SYT14: variants seen among roughly 807,000 people sequenced by gnomAD.
The protein encoded by SYT14 is synaptotagmin-14.
SYT14 carries 32 observed loss-of-function variants against 74.2 expected under a neutral mutation model. The ratio of observed to expected loss-of-function variants is 0.43; its 90% CI spans 0.33 to 0.58. The LOEUF is 0.58. Ranked by LOEUF, SYT14 falls within the 20% of genes least tolerant of loss-of-function variation. The pLI is 0.05. For missense variants in SYT14, 791 were observed against 981.8 expected, an observed-to-expected ratio of 0.81 and a Z score of 2.60; for synonymous variants, 298 against 337.7, an observed-to-expected ratio of 0.88 and a Z score of 1.29.
At chr1:209,994,174 A>G (rs1007899818) in intron 2 of SYT14, among the ~76,000 whole-genome samples, 1 of 152,236 alleles carries the variant, frequency 6.6e-6, no homozygotes, top group African/African-American at 2.4e-5. Context: ...TAACAGTCAT[A>G]GAATTCAGAA....
intron 2 of SYT14, among the ~76,000 whole-genome samples, chr1:209,996,920 TC>T (rs2079808389): frequency 6.6e-6 from 1 of 152,178 alleles, no homozygotes; most frequent in Admixed American, 6.5e-5. Context: ...CAGTATCCCT[TC>T]ATGACAAAAA....
chr1:210,142,761 T>C (rs1214000472), intron 7 of SYT14, among the ~76,000 whole-genome samples: 1 of 150,762 alleles, frequency 6.6e-6, no homozygotes, highest in Non-Finnish European at 1.5e-5. Flanking sequence ...CACCCCTTCC[T>C]CCCCCATTTC....
intron 5 of SYT14, among the ~76,000 whole-genome samples, chr1:210,048,124 T>C (rs892501375): frequency 4.6e-5 from 7 of 152,236 alleles, no homozygotes; most frequent in Admixed American, 2.0e-4. Context: ...TTGATGATTC[T>C]TGACTAAATC....
At chr1:210,164,286 TAAAA>T (rs201868266) in exon 10 of SYT14, 1 of 234,500 alleles carries the variant, frequency 4.3e-6, no homozygotes, top group Admixed American at 5.1e-5. Flanking sequence ...GGACCACAAT[TAAAA>T]AAAAAGAAAA....
chr1:210,147,995 G>A (rs1477563052), intron 7 of SYT14, among the ~76,000 whole-genome samples: 3 of 152,104 alleles, frequency 2.0e-5, no homozygotes, highest in African/African-American at 4.8e-5. Context: ...CTCCATGATT[G>A]AGGAGTAAAG....
At chr1:210,091,663 T>A (rs888408584) in intron 5 of SYT14, among the ~76,000 whole-genome samples, 3 of 152,164 alleles carry the variant, frequency 2.0e-5, no homozygotes, top group African/African-American at 7.2e-5. Context: ...ATGAACTGGA[T>A]CATGTTCATT....
At chr1:210,016,510 A>G in exon 4 of SYT14, 1 of 1,232,076 alleles carries the variant, frequency 8.1e-7, no homozygotes, top group Non-Finnish European at 1.0e-6. Flanking sequence ...AAGAACTTGA[A>G]AGTACTGACA....
At chr1:210,145,072 C>A (rs6701631) in intron 7 of SYT14, among the ~76,000 whole-genome samples, 1 of 151,982 alleles carries the variant, frequency 6.6e-6, no homozygotes, top group African/African-American at 2.4e-5. Flanking sequence ...TCTTAGTATG[C>A]GCTAAAGGTC....
rs531654976 is a variant in SYT14, at chr1:209,957,132, G to A, written c.-486+4376G>A. ...TACTTTCAGAGTTCCTTCCCTGTAG[G>A]CTGTGCTGTCATCTACCCAGTTTTG... On this transcript the variant is annotated intron_variant, in intron 2 of 9. Coordinates refer to ENST00000637265, the Ensembl canonical transcript of SYT14. Among the ~76,000 whole-genome samples, 28 of 152,138 alleles carry A rather than the reference G, an allele frequency of 1.8e-4. No homozygotes were observed. In the South Asian group the frequency reaches 5.6e-3, roughly 30 times the overall value.
At chr1:210,143,060 C>G (rs2082952422) in intron 7 of SYT14, among the ~76,000 whole-genome samples, 2 of 152,034 alleles carry the variant, frequency 1.3e-5, no homozygotes, top group African/African-American at 4.8e-5. Flanking sequence ...ACTTTTTGCA[C>G]TATTAGATAA....
At chr1:210,130,382 A>G (rs1258000390) in intron 7 of SYT14, among the ~76,000 whole-genome samples, 3 of 152,188 alleles carry the variant, frequency 2.0e-5, no homozygotes, top group Non-Finnish European at 4.4e-5. Flanking sequence ...TTTTTTTTCC[A>G]GTGTTCATTG....
intron 5 of SYT14, among the ~76,000 whole-genome samples, chr1:210,048,577 G>T (rs1476017171): frequency 6.6e-6 from 1 of 152,190 alleles, no homozygotes; most frequent in Non-Finnish European, 1.5e-5. Context: ...CTCCCATCGA[G>T]TGCCTCCCAT....
chr1:209,980,560 C>T (rs2079464678), intron 2 of SYT14, among the ~76,000 whole-genome samples: 1 of 152,072 alleles, frequency 6.6e-6, no homozygotes. Context: ...AGATTTTCTT[C>T]TAAGGTTTTT....
In SYT14 at chr1:210,159,415, T is replaced by TG. The variant is rs1403890251; in HGVS notation, c.2225-5dup. Reference sequence around the variant, plus strand: ...TCTTTTACTGCTTTCCACCCCCTGTTGTCAGATGGACTGTTCTGTTGTCTA... The same window carrying TG: ...TCTTTTACTGCTTTCCACCCCCTGTTGGTCAGATGGACTGTTCTGTTGTCTA... On this transcript the variant is annotated splice_polypyrimidine_tract_variant and splice_region_variant and intron_variant, in intron 8 of 9. Transcript: ENST00000637265. 1 of 1,551,320 alleles carries TG rather than the reference T, an allele frequency of 6.4e-7. No individual in the cohort carries two copies. The highest frequency in any genetic ancestry group is 1.4e-5 in the African/African-American group (1 of 73,046).
chr1:210,090,600 A>G (rs2081847227), intron 5 of SYT14, among the ~76,000 whole-genome samples: 1 of 152,212 alleles, frequency 6.6e-6, no homozygotes, highest in African/African-American at 2.4e-5. Context: ...TCTTATAGAT[A>G]TATCATTTAT....
intron 5 of SYT14, among the ~76,000 whole-genome samples, chr1:210,028,162 G>T (rs1036782162): frequency 4.2e-4 from 63 of 151,782 alleles, no homozygotes; most frequent in Middle Eastern, 3.4e-3. Context: ...TACTGTATTT[G>T]TCCTTTTTTT....
In SYT14 at chr1:210,069,658, A is replaced by T. The variant is rs370493120; in HGVS notation, c.1313-24664A>T. 2.6e-4 allele frequency among the ~76,000 whole-genome samples: 40 copies of T among 152,062 alleles called. 1 individual carries two copies. In the South Asian group the frequency reaches 8.1e-3, roughly 31 times the overall value. ...TTATCTTTTTTATTCTTTAATATTCAACCTTTATTCTTAATTATAAGTGTA... is the reference window on the plus strand; with the variant it reads ...TTATCTTTTTTATTCTTTAATATTCTACCTTTATTCTTAATTATAAGTGTA... On this transcript the variant is annotated intron_variant, in intron 5 of 9. Coordinates refer to ENST00000637265, the Ensembl canonical transcript of SYT14.
At chr1:210,132,558 T>C (rs902337943) in intron 7 of SYT14, among the ~76,000 whole-genome samples, 15 of 124,252 alleles carry the variant, frequency 1.2e-4, no homozygotes, top group African/African-American at 4.3e-4. Context: ...ATGATGATGA[T>C]TTTATATATT....
intron 2 of SYT14, among the ~76,000 whole-genome samples, chr1:209,989,829 A>C (rs537870651): frequency 2.6e-5 from 4 of 152,222 alleles, no homozygotes; most frequent in African/African-American, 9.6e-5. Context: ...ATGAAATTTT[A>C]CTGTGAAATT....
Sources: gnomAD v4.1 joint callset for allele counts (sites outside exome capture counted in the v4.1 genomes callset) on GRCh38, gnomAD v4.1.1 for gene constraint, MANE v1.5 for transcripts, NCBI Gene and HGNC (gene_info 2026-07-23, HGNC 2026-07-21) for gene names.